GRIP1: variants seen among roughly 807,000 people sequenced by gnomAD.
GRIP1 encodes the protein glutamate receptor-interacting protein 1.
A neutral mutation model predicts 129.9 loss-of-function variants in GRIP1; 45 were observed. The observed-to-expected ratio is 0.35, with a 90% CI of 0.27 to 0.44. The LOEUF (loss-of-function observed/expected upper bound fraction) is 0.44, where lower values mean the gene tolerates loss of function less well. GRIP1 is among the 20% of genes least tolerant of loss of function. The pLI is 1.00. For missense variants in GRIP1, 1,196 were observed against 1,396.8 expected, an observed-to-expected ratio of 0.86 and a Z score of 2.29; for synonymous variants, 530 against 520.8, an observed-to-expected ratio of 1.02 and a Z score of -0.24.
At chr12:66,998,484 C>T (rs780144576) in intron 1 of GRIP1, among the ~76,000 whole-genome samples, 3 of 152,092 alleles carry the variant, frequency 2.0e-5, no homozygotes, top group Admixed American at 6.6e-5. Context: ...TTTAAATTCA[C>T]GACCACAAAT....
In GRIP1 at chr12:66,581,472, T is replaced by G. The variant is rs973731037; in HGVS notation, c.136+15375A>C. On this transcript the variant is annotated intron_variant, in intron 2 of 24. Coordinates refer to ENST00000359742, the MANE Select transcript of GRIP1 (RefSeq NM_001366722.1). ...AAAATTAATGAATCCAGGAGCTGGT[T>G]TTTTGAAAGGATCAACAAAATTGAT... Among the ~76,000 whole-genome samples, 25 of 147,126 alleles carry G rather than the reference T, an allele frequency of 1.7e-4. 1 individual carries two copies. Among genetic ancestry groups the G allele is most frequent in the African/African-American group, 5.5e-4 (22 of 40,046 alleles).
intron 1 of GRIP1, among the ~76,000 whole-genome samples, chr12:66,993,453 G>A (rs1275076010): frequency 2.6e-5 from 4 of 151,600 alleles, no homozygotes; most frequent in African/African-American, 9.7e-5. Flanking sequence ...ACGAACTTTA[G>A]GCTACATTGA....
intron 1 of GRIP1, among the ~76,000 whole-genome samples, chr12:67,046,041 G>T (rs1462448601): frequency 6.6e-6 from 1 of 152,116 alleles, no homozygotes; most frequent in East Asian, 1.9e-4. Flanking sequence ...GATGAGACTG[G>T]CTTTACTAAG....
intron 7 of GRIP1, among the ~76,000 whole-genome samples, chr12:66,492,152 G>A (rs1424078170): frequency 1.3e-5 from 2 of 151,238 alleles, no homozygotes; most frequent in Non-Finnish European, 2.9e-5. Flanking sequence ...TGCTACAGTT[G>A]GCTTCATGTT....
chr12:66,668,624 G>C (rs1433447351), intron 1 of GRIP1, among the ~76,000 whole-genome samples: 1 of 152,160 alleles, frequency 6.6e-6, no homozygotes, highest in Admixed American at 6.5e-5. Flanking sequence ...GGATACTAAA[G>C]ATCCTCAGAA....
chr12:66,464,082 A>G (rs60150269), intron 8 of GRIP1, among the ~76,000 whole-genome samples: 4 of 152,180 alleles, frequency 2.6e-5, no homozygotes, highest in African/African-American at 9.7e-5. Flanking sequence ...CACGTGGAGA[A>G]GAGGGCTGGA....
chr12:66,632,709 A>G (rs2030939600), intron 1 of GRIP1, among the ~76,000 whole-genome samples: 2 of 152,196 alleles, frequency 1.3e-5, no homozygotes, highest in Admixed American at 1.3e-4. Context: ...ATGTATTGAA[A>G]TACAAAGACA....
intron 1 of GRIP1, among the ~76,000 whole-genome samples, chr12:66,600,889 G>A (rs1268974203): frequency 6.6e-6 from 1 of 152,194 alleles, no homozygotes; most frequent in Non-Finnish European, 1.5e-5. Context: ...CAATCATTAA[G>A]GGCATCTCAG....
chr12:66,602,408 G>A (rs2064316069), intron 1 of GRIP1, among the ~76,000 whole-genome samples: 1 of 152,088 alleles, frequency 6.6e-6, no homozygotes, highest in African/African-American at 2.4e-5. Context: ...ATAATTTAAA[G>A]AAATTAAATT....
intron 1 of GRIP1, among the ~76,000 whole-genome samples, chr12:66,821,107 G>GT (rs775659955): frequency 7.2e-5 from 11 of 152,124 alleles, no homozygotes; most frequent in Non-Finnish European, 1.5e-4. Flanking sequence ...CTATAGGGAG[G>GT]TTAGGGATAC....
chr12:66,774,436 G>T (rs1373731273), intron 1 of GRIP1, among the ~76,000 whole-genome samples: 2 of 152,140 alleles, frequency 1.3e-5, no homozygotes. Flanking sequence ...GTGACTTAAT[G>T]AAGATTAATA....
chr12:67,044,595 A>T (rs749948718), intron 1 of GRIP1, among the ~76,000 whole-genome samples: 1 of 152,180 alleles, frequency 6.6e-6, no homozygotes, highest in Non-Finnish European at 1.5e-5. Flanking sequence ...ATTCCTGTTG[A>T]TTCCCAGGGT....
chr12:66,913,797 G>C (rs945514436), intron 1 of GRIP1, among the ~76,000 whole-genome samples: 4 of 152,004 alleles, frequency 2.6e-5, no homozygotes, highest in African/African-American at 9.7e-5. Context: ...TCTAACTTAA[G>C]ATAAATGAAA....
At chr12:66,830,520 T>C (rs1490845676) in intron 1 of GRIP1, among the ~76,000 whole-genome samples, 2 of 152,130 alleles carry the variant, frequency 1.3e-5, no homozygotes, top group African/African-American at 4.8e-5. Context: ...GCAAGGTCTC[T>C]TGTGGCACCT....
intron 1 of GRIP1, among the ~76,000 whole-genome samples, chr12:66,769,632 C>G (rs1038537187): frequency 1.3e-5 from 2 of 152,082 alleles, no homozygotes; most frequent in Admixed American, 1.3e-4. Flanking sequence ...TCTGTGTATC[C>G]TGAGCACACA....
At chr12:67,002,785 C>T (rs764334029) in intron 1 of GRIP1, among the ~76,000 whole-genome samples, 2 of 151,926 alleles carry the variant, frequency 1.3e-5, no homozygotes, top group Non-Finnish European at 2.9e-5. Context: ...TCCTTTCTTT[C>T]CTTTGCTTTT....
At chr12:66,515,838 A>G (rs1409645784) in intron 6 of GRIP1, 74 bp from the exon 7 acceptor site, 7 of 1,313,956 alleles carry the variant, frequency 5.3e-6, no homozygotes, top group South Asian at 1.2e-5. Context: ...CACTTTAGCC[A>G]AATTCGTTTT....
intron 1 of GRIP1, among the ~76,000 whole-genome samples, chr12:66,905,376 T>C (rs1372624012): frequency 1.4e-5 from 2 of 139,966 alleles, no homozygotes; most frequent in Non-Finnish European, 3.2e-5. Context: ...ATAGAGATGA[T>C]AGATGCCATT....
intron 9 of GRIP1, among the ~76,000 whole-genome samples, chr12:66,459,177 GAATA>G (rs1267374391): frequency 6.6e-6 from 1 of 152,180 alleles, no homozygotes; most frequent in East Asian, 1.9e-4. Flanking sequence ...ATGAATGAAT[GAATA>G]AACAAATGCA....
Sources: gnomAD v4.1 joint callset for allele counts (sites outside exome capture counted in the v4.1 genomes callset) on GRCh38, gnomAD v4.1.1 for gene constraint, MANE v1.5 for transcripts, NCBI Gene and HGNC (gene_info 2026-07-23, HGNC 2026-07-21) for gene names.